Variants in LHFPL6 observed in about 807,000 individuals in gnomAD.
The protein encoded by LHFPL6 is LHFPL tetraspan subfamily member 6.
In LHFPL6, 9 loss-of-function variants were observed where a neutral mutation model predicts 20.6. That is an observed-to-expected ratio of 0.44 (90% CI 0.26 to 0.76). The LOEUF (loss-of-function observed/expected upper bound fraction) is 0.76. Ranked by LOEUF, LHFPL6 falls within the 30% of genes least tolerant of loss-of-function variation. The pLI, the probability that LHFPL6 is intolerant of heterozygous loss-of-function variation, is 0.20. For missense variants in LHFPL6, 218 were observed against 253.5 expected, an observed-to-expected ratio of 0.86 and a Z score of 0.95; for synonymous variants, 105 against 98.7, an observed-to-expected ratio of 1.06 and a Z score of -0.38.
At chr13:39,441,958 T>C (rs1441127109) in intron 2 of LHFPL6, among the ~76,000 whole-genome samples, 1 of 151,246 alleles carries the variant, frequency 6.6e-6, no homozygotes, top group Non-Finnish European at 1.5e-5. Flanking sequence ...GCCTCCCAAG[T>C]AGCTGGGATT....
chr13:39,454,624 G>A (rs1451225686), intron 2 of LHFPL6, among the ~76,000 whole-genome samples: 1 of 13,574 alleles, frequency 7.4e-5, no homozygotes, highest in Admixed American at 1.5e-3. Context: ...GCGAGACTCC[G>A]TCTCAAAAAA....
At chr13:39,578,168 C>T (rs1023556298) in intron 2 of LHFPL6, among the ~76,000 whole-genome samples, 4 of 151,978 alleles carry the variant, frequency 2.6e-5, no homozygotes, top group African/African-American at 9.7e-5. Flanking sequence ...CTTTTCCTTT[C>T]CAGGAAAAGA....
At chr13:39,542,360 T>C (rs144271072) in intron 2 of LHFPL6, among the ~76,000 whole-genome samples, 144 of 152,264 alleles carry the variant, frequency 9.5e-4, no homozygotes, top group African/African-American at 2.9e-3. Flanking sequence ...ACGTTGGAAA[T>C]GTGGCCACAC....
At chr13:39,532,813 A>AT (rs1870505398) in intron 2 of LHFPL6, among the ~76,000 whole-genome samples, 1 of 152,214 alleles carries the variant, frequency 6.6e-6, no homozygotes, top group African/African-American at 2.4e-5. Flanking sequence ...GCCAAATTAT[A>AT]TTGGACCACA....
chr13:39,344,604 C>A (rs1381010881), intron 3 of LHFPL6, among the ~76,000 whole-genome samples: 1 of 152,178 alleles, frequency 6.6e-6, no homozygotes, highest in African/African-American at 2.4e-5. Context: ...CAACACTCAC[C>A]TTGAAGATAA....
At chr13:39,475,845 G>A (rs528354752) in intron 2 of LHFPL6, among the ~76,000 whole-genome samples, 31 of 152,202 alleles carry the variant, frequency 2.0e-4, no homozygotes, top group African/African-American at 6.0e-4. Flanking sequence ...CCTCCCCACC[G>A]TAGAGAAAGC....
At position 39,383,175 on chromosome 13, in the gene LHFPL6, C is replaced by A. The variant is rs575377601; in HGVS notation, c.386-4649G>T. ...AAGCTCAGTGAAATCCAGTGACCTGCCCCCCTGCCCAACACAACTCCATCA... is the reference window on the plus strand; with the variant it reads ...AAGCTCAGTGAAATCCAGTGACCTGACCCCCTGCCCAACACAACTCCATCA... On this transcript the variant is annotated intron_variant, in intron 2 of 3. Coordinates refer to ENST00000379589, the MANE Select transcript of LHFPL6 (RefSeq NM_005780.3). Among the ~76,000 whole-genome samples, 215 of 152,284 alleles carry A rather than the reference C, an allele frequency of 1.4e-3. 4 individuals carry two copies. In the South Asian group the frequency reaches 0.028, roughly 20 times the overall value.
chr13:39,573,314 T>A (rs1871993867), intron 2 of LHFPL6, among the ~76,000 whole-genome samples: 1 of 152,174 alleles, frequency 6.6e-6, no homozygotes, highest in African/African-American at 2.4e-5. Flanking sequence ...TAAATGAGTA[T>A]GTATCAATAG....
At chr13:39,526,820 C>T (rs1421327381) in intron 2 of LHFPL6, among the ~76,000 whole-genome samples, 2 of 152,178 alleles carry the variant, frequency 1.3e-5, no homozygotes, top group African/African-American at 4.8e-5. Context: ...CTTTAAGTGA[C>T]GCTTCACTTA....
At chr13:39,474,957 C>T (rs1205523507) in intron 2 of LHFPL6, among the ~76,000 whole-genome samples, 1 of 152,158 alleles carries the variant, frequency 6.6e-6, no homozygotes, top group Non-Finnish European at 1.5e-5. Flanking sequence ...CAGTGGTTTT[C>T]ACATTTTAGA....
intron 2 of LHFPL6, among the ~76,000 whole-genome samples, chr13:39,573,021 AAAGAAGAAACAACCAGGATTGAAAC>A (rs1871982884): frequency 6.6e-6 from 1 of 152,226 alleles, no homozygotes; most frequent in African/African-American, 2.4e-5. Flanking sequence ...ATTTCCACGT[AAAGAAGAAACAACCAGGATTGAAAC>A]TAAATGTACC....
At chr13:39,358,954 C>G (rs964483109) in intron 3 of LHFPL6, among the ~76,000 whole-genome samples, 1 of 152,110 alleles carries the variant, frequency 6.6e-6, no homozygotes, top group Non-Finnish European at 1.5e-5. Flanking sequence ...GGGTGGATCA[C>G]AAGGTCAGGA....
At chr13:39,447,027 C>T (rs562761766) in intron 2 of LHFPL6, among the ~76,000 whole-genome samples, 2 of 152,174 alleles carry the variant, frequency 1.3e-5, no homozygotes, top group African/African-American at 4.8e-5. Context: ...ATTAAATGAA[C>T]AAATTAGAGC....
chr13:39,368,518 G>T (rs1188529510), intron 3 of LHFPL6, among the ~76,000 whole-genome samples: 1 of 152,148 alleles, frequency 6.6e-6, no homozygotes, highest in Non-Finnish European at 1.5e-5. Flanking sequence ...AAAGGTGGAG[G>T]TTGCAGTGAG....
At chr13:39,561,759 G>C (rs1871490734) in intron 2 of LHFPL6, among the ~76,000 whole-genome samples, 1 of 152,214 alleles carries the variant, frequency 6.6e-6, no homozygotes, top group Admixed American at 6.5e-5. Flanking sequence ...CACCAGGCCA[G>C]GAGTGGCATC....
At chr13:39,496,801 G>A (rs960506474) in intron 2 of LHFPL6, among the ~76,000 whole-genome samples, 2 of 152,174 alleles carry the variant, frequency 1.3e-5, no homozygotes. Context: ...GGGGTGGCAG[G>A]TGCCAGAGGC....
intron 3 of LHFPL6, among the ~76,000 whole-genome samples, chr13:39,362,893 A>T (rs1869914213): frequency 6.6e-6 from 1 of 152,230 alleles, no homozygotes; most frequent in African/African-American, 2.4e-5. Flanking sequence ...ACCTGTGTCC[A>T]GTGGGGAAGG....
intron 2 of LHFPL6, among the ~76,000 whole-genome samples, chr13:39,476,797 C>G (rs1421248678): frequency 2.6e-5 from 4 of 152,166 alleles, no homozygotes; most frequent in Admixed American, 2.0e-4. Flanking sequence ...GGAGCCTCCT[C>G]CCTTCAAGAT....
chr13:39,543,818 T>C (rs1466507880), intron 2 of LHFPL6, among the ~76,000 whole-genome samples: 12 of 152,200 alleles, frequency 7.9e-5, no homozygotes, highest in Admixed American at 6.5e-5. Flanking sequence ...ACTGGTCCTG[T>C]TCAGTTATAA....
Sources: gnomAD v4.1 joint callset for allele counts (sites outside exome capture counted in the v4.1 genomes callset) on GRCh38, gnomAD v4.1.1 for gene constraint, MANE v1.5 for transcripts, NCBI Gene and HGNC (gene_info 2026-07-23, HGNC 2026-07-21) for gene names.